The following DYNLL1 variants were observed in gnomAD, a reference collection of about 807,000 sequenced individuals.
DYNLL1 encodes the protein dynein light chain LC8-type 1.
DYNLL1 carries 3 observed loss-of-function variants against 10.1 expected under a neutral mutation model. The ratio of observed to expected loss-of-function variants is 0.30; its 90% CI spans 0.14 to 0.77. The LOEUF (loss-of-function observed/expected upper bound fraction) is 0.77. Among genes scored for constraint, DYNLL1 ranks in the 30% least tolerant of loss-of-function variants. DYNLL1 has a pLI of 0.66. For missense variants in DYNLL1, 47 were observed against 111.7 expected (o/e 0.42, Z 2.61); for synonymous variants, 46 against 41.2 (o/e 1.12, Z -0.45).
chr12:120,485,233 T>C (rs1012153322), intron 1 of DYNLL1, among the ~76,000 whole-genome samples: 1 of 142,628 alleles, frequency 7.0e-6, no homozygotes, highest in African/African-American at 2.6e-5. Flanking sequence ...CATAAGTAAA[T>C]AGTTATGTTG....
At chr12:120,496,628 G>T in intron 2 of DYNLL1, 75 bp downstream of exon 2, 1 of 1,612,614 alleles carries the variant, frequency 6.2e-7, no homozygotes, top group East Asian at 2.2e-5. Context: ...TTTCCTAAGG[G>T]CGCCTGACAG....
At chr12:120,487,697 C>CA (rs750886925) in intron 1 of DYNLL1, among the ~76,000 whole-genome samples, 3 of 152,108 alleles carry the variant, frequency 2.0e-5, no homozygotes, top group Non-Finnish European at 4.4e-5. Context: ...AGAGGCAGGA[C>CA]AAACTCAGGA....
At chr12:120,472,697 A>C (rs1223804127) in intron 1 of DYNLL1, among the ~76,000 whole-genome samples, 3 of 152,238 alleles carry the variant, frequency 2.0e-5, no homozygotes, top group African/African-American at 7.2e-5. Flanking sequence ...GCTTGCAAAT[A>C]ATAATAATTC....
chr12:120,496,716 G>A (rs1299726091), intron 2 of DYNLL1, 163 bp downstream of exon 2: 9 of 1,062,738 alleles, frequency 8.5e-6, no homozygotes, highest in Non-Finnish European at 1.2e-5. Flanking sequence ...CTCCTGTGGA[G>A]AAGACCAGAC....
At chr12:120,471,360 A>C (rs569694956) in intron 1 of DYNLL1, among the ~76,000 whole-genome samples, 3 of 152,226 alleles carry the variant, frequency 2.0e-5, no homozygotes, top group East Asian at 3.9e-4. Context: ...TGGGTGACAG[A>C]GGGAGACTCT....
chr12:120,470,128 T>G (rs1313682328), intron 1 of DYNLL1: 1 of 152,610 alleles, frequency 6.6e-6, no homozygotes, highest in Non-Finnish European at 1.5e-5. Context: ...CGGGCCACCC[T>G]GTCCCCATTT....
At chr12:120,496,032 G>C (rs774600543), upstream of DYNLL1, 96 of 345,918 alleles carry the variant, frequency 2.8e-4, 1 homozygote, top group Non-Finnish European at 4.6e-4. Context: ...AAGCCAATAG[G>C]GTCGCGCGGC....
At chr12:120,474,926 A>G (rs1266526109) in intron 1 of DYNLL1, among the ~76,000 whole-genome samples, 1 of 152,210 alleles carries the variant, frequency 6.6e-6, no homozygotes. Flanking sequence ...ATGGAGTAAA[A>G]TAAAACATAT....
chr12:120,471,022 G>A (rs1052052349), intron 1 of DYNLL1, among the ~76,000 whole-genome samples: 1 of 151,172 alleles, frequency 6.6e-6, no homozygotes, highest in Non-Finnish European at 1.5e-5. Flanking sequence ...TTCAGCCTGG[G>A]TGACAGAGTG....
chr12:120,472,850 C>T (rs57398336), intron 1 of DYNLL1, among the ~76,000 whole-genome samples: 1 of 152,178 alleles, frequency 6.6e-6, no homozygotes, highest in East Asian at 1.9e-4. Flanking sequence ...TATGATCATC[C>T]ATGAAACCCC....
chr12:120,478,404 G>C (rs1878803436), intron 1 of DYNLL1, among the ~76,000 whole-genome samples: 1 of 144,494 alleles, frequency 6.9e-6, no homozygotes, highest in Non-Finnish European at 1.5e-5. Context: ...ACCATGCCTG[G>C]CCCCAATTTT....
intron 1 of DYNLL1, among the ~76,000 whole-genome samples, chr12:120,475,006 G>A (rs1456564472): frequency 6.6e-6 from 1 of 152,214 alleles, no homozygotes; most frequent in African/African-American, 2.4e-5. Flanking sequence ...GCAGAACTAG[G>A]AGGTTTGGAA....
At chr12:120,478,685 GTTTTC>G (rs1423912742) in intron 1 of DYNLL1, among the ~76,000 whole-genome samples, 11 of 149,222 alleles carry the variant, frequency 7.4e-5, no homozygotes, top group African/African-American at 2.4e-4. Context: ...AACCACGTCT[GTTTTC>G]TTTTCTTTTT....
intron 1 of DYNLL1, among the ~76,000 whole-genome samples, chr12:120,472,141 A>T (rs1878664688): frequency 6.6e-6 from 1 of 152,124 alleles, no homozygotes; most frequent in Non-Finnish European, 1.5e-5. Context: ...GTGGTGTTTA[A>T]TGTATACACA....
chr12:120,490,391 A>G (rs1347965437), intron 1 of DYNLL1: 1 of 152,240 alleles, frequency 6.6e-6, no homozygotes, highest in Non-Finnish European at 1.5e-5. Context: ...CACTTTGCAT[A>G]TAATTAAAGA....
chr12:120,481,949 A>G (rs918449515), intron 1 of DYNLL1, among the ~76,000 whole-genome samples: 1 of 152,192 alleles, frequency 6.6e-6, no homozygotes, highest in African/African-American at 2.4e-5. Context: ...CCTGGACTCA[A>G]GTGATCCTCC....
At chr12:120,474,348 T>C (rs938362115) in intron 1 of DYNLL1, among the ~76,000 whole-genome samples, 2 of 151,904 alleles carry the variant, frequency 1.3e-5, no homozygotes, top group Middle Eastern at 6.8e-3. Flanking sequence ...AAGCCTTTGA[T>C]GTTGGCAGAC....
At chr12:120,492,433 G>A (rs191950357), upstream of DYNLL1, among the ~76,000 whole-genome samples, 1 of 152,162 alleles carries the variant, frequency 6.6e-6, no homozygotes, top group East Asian at 1.9e-4. The surrounding 1 kb of genome is among the most constrained non-coding windows in gnomAD (Gnocchi z 4.1). Flanking sequence ...CAGGTGTAGT[G>A]GCAAACGCCT....
At chr12:120,483,098 G>A (rs111660594) in intron 1 of DYNLL1, among the ~76,000 whole-genome samples, 2 of 152,040 alleles carry the variant, frequency 1.3e-5, no homozygotes, top group Non-Finnish European at 2.9e-5. Context: ...CCAGCACTTT[G>A]GGAGTCTGAG....
Sources: gnomAD v4.1 joint callset for allele counts (sites outside exome capture counted in the v4.1 genomes callset) on GRCh38, gnomAD v4.1.1 for gene constraint, Gnocchi (gnomAD v3.1) non-coding constraint, MANE v1.5 for transcripts, NCBI Gene and HGNC (gene_info 2026-07-23, HGNC 2026-07-21) for gene names.